Variants in GRM7 observed in about 807,000 individuals in gnomAD.
GRM7 encodes the protein metabotropic glutamate receptor 7.
A neutral mutation model predicts 84.5 loss-of-function variants in GRM7; 35 were observed. That is an observed-to-expected ratio of 0.41 (90% CI 0.32 to 0.55). The LOEUF is 0.55. Among genes scored for constraint, GRM7 ranks in the 20% least tolerant of loss-of-function variants. The pLI is 0.19. For synonymous variants in GRM7, 487 were observed against 455.1 expected (o/e 1.07, Z -0.89); for missense variants, 1,003 against 1,194.6 (o/e 0.84, Z 2.36).
chr3:7,647,384 C>G (rs1012853438), intron 8 of GRM7, among the ~76,000 whole-genome samples: 1 of 152,128 alleles, frequency 6.6e-6, no homozygotes, highest in Admixed American at 6.5e-5. Context: ...TTTACCTTGA[C>G]CAACTAACTC....
At chr3:7,152,039 T>G (rs1431343494) in intron 2 of GRM7, among the ~76,000 whole-genome samples, 1 of 152,198 alleles carries the variant, frequency 6.6e-6, no homozygotes, top group Non-Finnish European at 1.5e-5. Flanking sequence ...TACTAAACAT[T>G]TGAGAACTCA....
rs377357262 is a variant in GRM7, at chr3:7,547,102, G to T, written c.1516-31320G>T. Among the ~76,000 whole-genome samples the T allele has an allele frequency of 6.0e-4, 90 of 150,498 alleles. 2 individuals are homozygous for T. The South Asian group carries it at 0.015, about 25-fold the overall frequency. ...GGGCTCCATGAAAATTCAATTAATT[G>T]AAGTGTTAACTAATGAACCCGTCCT... On this transcript the variant is annotated intron_variant, in intron 7 of 9. Coordinates refer to ENST00000357716, the MANE Select transcript of GRM7 (RefSeq NM_000844.4).
chr3:7,032,547 A>G (rs1442753154), intron 1 of GRM7, among the ~76,000 whole-genome samples: 1 of 152,132 alleles, frequency 6.6e-6, no homozygotes, highest in Non-Finnish European at 1.5e-5. Context: ...ACATCAAGCA[A>G]AGATAAGTTC....
chr3:7,031,449 C>T (rs1696179383), intron 1 of GRM7, among the ~76,000 whole-genome samples: 1 of 151,716 alleles, frequency 6.6e-6, no homozygotes, highest in Non-Finnish European at 1.5e-5. Flanking sequence ...TGGAGTCTTG[C>T]TCTGTCGCCC....
At chr3:7,004,329 A>G (rs10490860) in intron 1 of GRM7, among the ~76,000 whole-genome samples, 12,403 of 152,200 alleles carry the variant, frequency 0.081, 1,763 homozygotes, top group African/African-American at 0.28. Context: ...AACTGGAAAA[A>G]TGTGGAAGTA....
chr3:7,314,884 C>T (rs1459802492), intron 4 of GRM7, among the ~76,000 whole-genome samples: 1 of 152,046 alleles, frequency 6.6e-6, no homozygotes, highest in African/African-American at 2.4e-5. Context: ...GATGTAGTAG[C>T]TCTAGAAATA....
chr3:7,035,137 C>T (rs1268135859), intron 1 of GRM7, among the ~76,000 whole-genome samples: 1 of 152,100 alleles, frequency 6.6e-6, no homozygotes, highest in Non-Finnish European at 1.5e-5. Context: ...TTGGTTTACC[C>T]TGTGGTAGGA....
intron 1 of GRM7, among the ~76,000 whole-genome samples, chr3:6,901,544 G>GCCGAGATT (rs1446495827): frequency 7.3e-6 from 1 of 136,562 alleles, no homozygotes; most frequent in East Asian, 2.4e-4. Context: ...GTTGCAGTGA[G>GCCGAGATT]CCGAGATTGC....
chr3:7,658,896 CATG>C (rs1699315225), intron 8 of GRM7, among the ~76,000 whole-genome samples: 1 of 152,054 alleles, frequency 6.6e-6, no homozygotes, highest in African/African-American at 2.4e-5. Context: ...GATAATAAAA[CATG>C]AACGTTTTTG....
At chr3:6,988,153 C>T (rs187714511) in intron 1 of GRM7, among the ~76,000 whole-genome samples, 2,739 of 149,028 alleles carry the variant, frequency 0.018, 86 homozygotes, top group African/African-American at 0.064. Context: ...GCCACCATCA[C>T]GCCTGGCTAA....
chr3:7,107,639 G>C (rs1023905465), intron 1 of GRM7, among the ~76,000 whole-genome samples: 1 of 152,040 alleles, frequency 6.6e-6, no homozygotes, highest in African/African-American at 2.4e-5. Context: ...TTCAAGAAGA[G>C]ATACCTGTAA....
chr3:7,376,817 G>A (rs9878520), intron 4 of GRM7, among the ~76,000 whole-genome samples: 1,893 of 152,212 alleles, frequency 0.012, 31 homozygotes, highest in African/African-American at 0.042. Flanking sequence ...CATTAGGAGC[G>A]GGAGAATTCT....
chr3:7,712,672 G>C (rs1202806645), intron 9 of GRM7, among the ~76,000 whole-genome samples: 1 of 106,590 alleles, frequency 9.4e-6, no homozygotes, highest in Non-Finnish European at 2.1e-5. Flanking sequence ...TTTGTGGTAA[G>C]AACACTTAAG....
intron 8 of GRM7, among the ~76,000 whole-genome samples, chr3:7,590,904 C>A (rs1179886257): frequency 6.6e-6 from 1 of 152,148 alleles, no homozygotes; most frequent in Non-Finnish European, 1.5e-5. Flanking sequence ...AATGAAAGTA[C>A]CTTAAAGGTA....
intron 2 of GRM7, among the ~76,000 whole-genome samples, chr3:7,206,800 C>T (rs996030115): frequency 6.6e-6 from 1 of 152,096 alleles, no homozygotes; most frequent in African/African-American, 2.4e-5. Context: ...AATGTGAAGC[C>T]ACTTCAGCCT....
At chr3:7,500,060 AC>A (rs1209249427) in intron 7 of GRM7, among the ~76,000 whole-genome samples, 1 of 152,118 alleles carries the variant, frequency 6.6e-6, no homozygotes. Flanking sequence ...AGGCATGGAC[AC>A]CATTCTTTCT....
intron 1 of GRM7, among the ~76,000 whole-genome samples, chr3:6,996,461 A>T (rs1184239525): frequency 1.3e-5 from 2 of 152,188 alleles, no homozygotes; most frequent in Non-Finnish European, 2.9e-5. Context: ...GTAAAGTGTG[A>T]TTGTTATGTC....
At chr3:7,516,237 C>T (rs1034070752) in intron 7 of GRM7, among the ~76,000 whole-genome samples, 6 of 149,222 alleles carry the variant, frequency 4.0e-5, no homozygotes, top group Admixed American at 1.3e-4. Context: ...TTCGGGAAGC[C>T]GAAGCCGAGG....
intron 1 of GRM7, among the ~76,000 whole-genome samples, chr3:7,044,690 A>T (rs1373378937): frequency 6.6e-6 from 1 of 152,052 alleles, no homozygotes; most frequent in Non-Finnish European, 1.5e-5. Flanking sequence ...TTTTTCTCCT[A>T]TGGAAATGTG....
Sources: gnomAD v4.1 joint callset for allele counts (sites outside exome capture counted in the v4.1 genomes callset) on GRCh38, gnomAD v4.1.1 for gene constraint, MANE v1.5 for transcripts, NCBI Gene and HGNC (gene_info 2026-07-23, HGNC 2026-07-21) for gene names.